Variants in ROPN1L observed in about 807,000 individuals in gnomAD.
ROPN1L encodes the protein ropporin-1-like protein.
A neutral mutation model predicts 22.7 loss-of-function variants in ROPN1L; 23 were observed. The ratio of observed to expected loss-of-function variants is 1.01; its 90% confidence interval spans 0.73 to 1.43. ROPN1L has a LOEUF of 1.43. Among genes scored for constraint, ROPN1L ranks in the 40% most tolerant of loss-of-function variants. ROPN1L has a pLI of 0.00. For synonymous variants in ROPN1L, 116 were observed against 117.8 expected, an observed-to-expected ratio of 0.98 and a Z score of 0.10; for missense variants, 271 against 291.5, an observed-to-expected ratio of 0.93 and a Z score of 0.51.
At chr5:10,476,055 C>T (rs1344726291), downstream of ROPN1L, among the ~76,000 whole-genome samples, 8 of 152,232 alleles carry the variant, frequency 5.3e-5, no homozygotes, top group Non-Finnish European at 1.0e-4. Flanking sequence ...AAGGCCCATA[C>T]TTAGGAGTGG....
At chr5:10,443,381 G>A (rs1238921948) in intron 1 of ROPN1L, among the ~76,000 whole-genome samples, 1 of 151,692 alleles carries the variant, frequency 6.6e-6, no homozygotes, top group African/African-American at 2.4e-5. Flanking sequence ...CCAGCACTTT[G>A]GGAGGCCGAG....
At chr5:10,451,020 A>G (rs925290153) in intron 3 of ROPN1L, among the ~76,000 whole-genome samples, 5 of 152,206 alleles carry the variant, frequency 3.3e-5, no homozygotes, top group Admixed American at 1.3e-4. Flanking sequence ...GCTGTGAGAC[A>G]TGGTGGTTGG....
At chr5:10,452,800 T>A (rs1404257585) in intron 3 of ROPN1L, among the ~76,000 whole-genome samples, 1 of 152,168 alleles carries the variant, frequency 6.6e-6, no homozygotes, top group African/African-American at 2.4e-5. Flanking sequence ...CCTTCCTAAT[T>A]GTGAAAATTA....
chr5:10,473,304 G>A (rs1241205598), downstream of ROPN1L, among the ~76,000 whole-genome samples: 1 of 152,142 alleles, frequency 6.6e-6, no homozygotes, highest in Non-Finnish European at 1.5e-5. Flanking sequence ...TGGATTTAGG[G>A]TGGACCCTAA....
At chr5:10,465,342 C>T (rs1428922342), downstream of ROPN1L, among the ~76,000 whole-genome samples, 5 of 152,002 alleles carry the variant, frequency 3.3e-5, no homozygotes, top group East Asian at 1.9e-4. Flanking sequence ...GGTGAAACCC[C>T]GTCTCTACTA....
At chr5:10,475,527 G>A (rs1279199626), downstream of ROPN1L, among the ~76,000 whole-genome samples, 1 of 152,216 alleles carries the variant, frequency 6.6e-6, no homozygotes, top group East Asian at 1.9e-4. Context: ...ATTTCAGAGA[G>A]CTGAAGTGAC....
intron 2 of ROPN1L, among the ~76,000 whole-genome samples, chr5:10,449,534 A>G (rs1316881817): frequency 6.6e-6 from 1 of 152,152 alleles, no homozygotes; most frequent in African/African-American, 2.4e-5. Context: ...ACAAATAAAT[A>G]TATAATAGAA....
intron 1 of ROPN1L, among the ~76,000 whole-genome samples, chr5:10,444,881 A>T (rs1295736581): frequency 6.6e-6 from 1 of 152,048 alleles, no homozygotes; most frequent in Non-Finnish European, 1.5e-5. Context: ...CCTGGATGAT[A>T]GAGCAAGACT....
chr5:10,450,629 C>T (rs757831907), intron 3 of ROPN1L, among the ~76,000 whole-genome samples: 1 of 152,088 alleles, frequency 6.6e-6, no homozygotes, highest in Non-Finnish European at 1.5e-5. Flanking sequence ...TCCCGAGTTG[C>T]TGATAGCTGG....
At chr5:10,446,368 A>G (rs1010457856) in intron 1 of ROPN1L, among the ~76,000 whole-genome samples, 7 of 152,106 alleles carry the variant, frequency 4.6e-5, no homozygotes, top group Non-Finnish European at 1.0e-4. Context: ...ACAATCAAAA[A>G]TGTCTCCAGG....
intron 1 of ROPN1L, among the ~76,000 whole-genome samples, 166 bp from the exon 2 acceptor site, chr5:10,448,094 T>C (rs1741130752): frequency 6.6e-6 from 1 of 152,086 alleles, no homozygotes. Flanking sequence ...GCAGAGAAGG[T>C]TAAGTCAGAG....
downstream of ROPN1L, among the ~76,000 whole-genome samples, chr5:10,468,802 C>T (rs1328706098): frequency 6.6e-6 from 1 of 152,134 alleles, no homozygotes; most frequent in Non-Finnish European, 1.5e-5. Context: ...GAGAGGAGGC[C>T]ACATCTGGAT....
chr5:10,464,618 C>T (rs974243895), intron 4 of ROPN1L, among the ~76,000 whole-genome samples: 3 of 152,202 alleles, frequency 2.0e-5, no homozygotes, highest in Non-Finnish European at 2.9e-5. Context: ...AAAACCTATG[C>T]ATATAGCACC....
chr5:10,452,126 A>G (rs1043125647), intron 3 of ROPN1L, among the ~76,000 whole-genome samples: 1 of 151,824 alleles, frequency 6.6e-6, no homozygotes, highest in East Asian at 1.9e-4. Flanking sequence ...GATTACAGGC[A>G]TGCACCACCA....
chr5:10,452,700 C>T (rs969206167), intron 3 of ROPN1L, among the ~76,000 whole-genome samples: 3 of 152,094 alleles, frequency 2.0e-5, no homozygotes, highest in Non-Finnish European at 2.9e-5. Context: ...TTGGTGGTTT[C>T]TGCCTCTAAG....
downstream of ROPN1L, among the ~76,000 whole-genome samples, chr5:10,468,881 C>G (rs936861553): frequency 2.0e-5 from 3 of 152,188 alleles, no homozygotes; most frequent in African/African-American, 7.2e-5. Context: ...TTGGGCTGGG[C>G]GCAATGGCTC....
At chr5:10,448,785 C>T (rs1561169141) in intron 2 of ROPN1L, among the ~76,000 whole-genome samples, 1 of 152,250 alleles carries the variant, frequency 6.6e-6, no homozygotes, top group Non-Finnish European at 1.5e-5. Flanking sequence ...TCTGCCTTCT[C>T]TGTCTGGAAG....
At chr5:10,481,313 C>A in the ROPN1L span, among the ~76,000 whole-genome samples, 2 of 152,222 alleles carry the variant, frequency 1.3e-5, no homozygotes, top group Non-Finnish European at 2.9e-5. Context: ...CCACGCTGAG[C>A]TATGCAGGGC....
intron 3 of ROPN1L, among the ~76,000 whole-genome samples, chr5:10,460,678 C>T (rs1335181666): frequency 6.6e-6 from 1 of 152,200 alleles, no homozygotes; most frequent in Non-Finnish European, 1.5e-5. Context: ...AGGACAGAGC[C>T]CGGACAGAGC....
Sources: allele counts gnomAD v4.1 joint callset (sites outside exome capture counted in the v4.1 genomes callset), GRCh38; gene constraint gnomAD v4.1.1; transcripts MANE v1.5; gene names NCBI Gene and HGNC (gene_info 2026-07-23, HGNC 2026-07-21).